RERE: variants seen among roughly 807,000 people sequenced by gnomAD.
RERE encodes arginine-glutamic acid dipeptide repeats protein.
In RERE, 40 loss-of-function variants were observed where a neutral mutation model predicts 146.1. The ratio of observed to expected loss-of-function variants is 0.27; its 90% CI spans 0.21 to 0.36. The LOEUF is 0.36. RERE is among the 10% of genes least tolerant of loss of function. RERE has a pLI of 1.00. For missense variants in RERE, 1,933 were observed against 2,138.7 expected (o/e 0.90, Z 1.90); for synonymous variants, 1,003 against 866.0 (o/e 1.16, Z -2.78).
chr1:8,758,716 G>A (rs1401970956), intron 1 of RERE, among the ~76,000 whole-genome samples: 1 of 152,024 alleles, frequency 6.6e-6, no homozygotes, highest in Non-Finnish European at 1.5e-5. Context: ...GAGGACTGGG[G>A]AAATGTGAGT....
chr1:8,460,667 A>T (rs1303550300), intron 11 of RERE, among the ~76,000 whole-genome samples: 1 of 152,252 alleles, frequency 6.6e-6, no homozygotes, highest in Non-Finnish European at 1.5e-5. Context: ...GTATTTCAAG[A>T]TAAAAGCTAT....
intron 1 of RERE, among the ~76,000 whole-genome samples, chr1:8,689,008 G>A (rs1639150435): frequency 6.6e-6 from 1 of 151,972 alleles, no homozygotes; most frequent in Non-Finnish European, 1.5e-5. Context: ...TTAAATGAGT[G>A]AGCTATCTCG....
Position 8,423,729 on chromosome 1 carries a change from G to A in RERE, c.1204-922C>T. The A allele has an allele frequency of 2.0e-6, 2 of 978,440 alleles. No individual in the cohort carries two copies. The highest frequency in any genetic ancestry group is 1.8e-5 in the African/African-American group (1 of 56,588). 60.6% of individuals were successfully genotyped at this position (978,440 alleles called of 1,614,324 possible). Reference sequence around the variant, plus strand: ...GCGTGTGACCGCGGCGGGGCCGCGCGGCGCGGGGCCCGGGGGGCGCGGGGC... The same window carrying A: ...GCGTGTGACCGCGGCGGGGCCGCGCAGCGCGGGGCCCGGGGGGCGCGGGGC... On this transcript the variant is annotated intron_variant, in intron 11 of 22. Transcript: ENST00000400908. The surrounding 1 kb of genome is among the most constrained non-coding windows in gnomAD (Gnocchi z 5.4).
rs555706629 is a variant in RERE, at chr1:8,742,376, T to C, written c.-145+74784A>G. ...TGCTCAGGGATATATGGAGCAAAGA[T>C]TGTAGAGCTGAATCGGTATATAAAG... On this transcript the variant is annotated intron_variant, in intron 1 of 22. Transcript: ENST00000400908. Among the ~76,000 whole-genome samples, 23 of 152,294 alleles carry C rather than the reference T, an allele frequency of 1.5e-4. No homozygotes were observed. In the Middle Eastern group the frequency reaches 0.01, roughly 68 times the overall value.
intron 1 of RERE, among the ~76,000 whole-genome samples, chr1:8,765,895 T>A (rs1159778042): frequency 1.3e-5 from 2 of 151,672 alleles, no homozygotes; most frequent in Non-Finnish European, 2.9e-5. Flanking sequence ...GAGGTTGCAG[T>A]GAGTCAAGAT....
chr1:8,708,131 G>A (rs138812252), intron 1 of RERE, among the ~76,000 whole-genome samples: 125 of 152,154 alleles, frequency 8.2e-4, no homozygotes, highest in African/African-American at 2.9e-3. Flanking sequence ...TACAGAATAC[G>A]GAGGGATATG....
Position 8,364,237 on chromosome 1 carries a change from T to C in RERE, c.1559A>G (p.His520Arg). The C allele has an allele frequency of 1.2e-6, 2 of 1,614,116 alleles. No homozygotes were observed. The highest frequency in any genetic ancestry group is 1.7e-6 in the Non-Finnish European group (2 of 1,180,006). ...CFTTTSKDWH[H>R]GGRENILLCT... ...AAGCAGGATGTTCTCCCGGCCTCCG[T>C]GGTGCCAATCTTTGGAGGCTGTGTG... The change falls in exon 15 of 23, where the codon CAC (histidine) becomes CGC (arginine). Residue 520 changes from histidine to arginine, a missense_variant. By Grantham distance (29) the His-to-Arg change is conservative. This residue lies in a region of RERE where 260 missense variants were observed against 378.4 expected (regional missense o/e 0.69). Coordinates refer to ENST00000400908, the MANE Select transcript of RERE (RefSeq NM_001042681.2). The surrounding 1 kb of genome is among the most constrained non-coding windows in gnomAD (Gnocchi z 5.1).
chr1:8,672,173 ATTTT>A (rs1638733876), intron 1 of RERE, among the ~76,000 whole-genome samples: 1 of 151,938 alleles, frequency 6.6e-6, no homozygotes, highest in South Asian at 2.1e-4. Flanking sequence ...CCGGAAATAT[ATTTT>A]TTGTTTGTTT....
intron 4 of RERE, among the ~76,000 whole-genome samples, chr1:8,580,522 A>G (rs1173068084): frequency 6.6e-6 from 1 of 152,260 alleles, no homozygotes; most frequent in Non-Finnish European, 1.5e-5. Context: ...ACTAAAATAC[A>G]GAAAATGTTT....
At chr1:8,789,301 A>AAAAAAAAAAAAAAAAAATATAT in intron 1 of RERE, among the ~76,000 whole-genome samples, 2 of 24,814 alleles carry the variant, frequency 8.1e-5, no homozygotes, top group African/African-American at 4.6e-4. Context: ...AAAAAAAAAA[A>AAAAAAAAAAAAAAAAAATATAT]ATATATATAT....
intron 4 of RERE, among the ~76,000 whole-genome samples, chr1:8,565,732 G>A (rs1646145394): frequency 2.0e-5 from 3 of 152,016 alleles, no homozygotes; most frequent in Non-Finnish European, 4.4e-5. Context: ...AAACAAAAAG[G>A]ATCTAAGAAT....
chr1:8,673,748 G>C (rs1638773422), intron 1 of RERE, among the ~76,000 whole-genome samples: 1 of 152,124 alleles, frequency 6.6e-6, no homozygotes, highest in South Asian at 2.1e-4. Flanking sequence ...AAAGCTTAAG[G>C]CTATAATATT....
intron 12 of RERE, among the ~76,000 whole-genome samples, chr1:8,409,801 G>A (rs146052973): frequency 8.1e-4 from 123 of 152,166 alleles, no homozygotes; most frequent in Non-Finnish European, 1.5e-3. Context: ...CCTGGGGAGG[G>A]CCTGGCGACA....
chr1:8,432,677 A>G (rs1644111497), intron 11 of RERE, among the ~76,000 whole-genome samples: 1 of 152,306 alleles, frequency 6.6e-6, no homozygotes, highest in Admixed American at 6.5e-5. Flanking sequence ...TAATCTTCAG[A>G]GTGCCTGGCA....
intron 2 of RERE, among the ~76,000 whole-genome samples, chr1:8,653,001 A>G (rs1449600558): frequency 6.6e-6 from 1 of 152,196 alleles, no homozygotes; most frequent in Non-Finnish European, 1.5e-5. Context: ...GCCCAGATCC[A>G]AGACTGTTTG....
At chr1:8,506,506 C>T (rs1169339535) in intron 8 of RERE, among the ~76,000 whole-genome samples, 1 of 152,310 alleles carries the variant, frequency 6.6e-6, no homozygotes, top group Non-Finnish European at 1.5e-5. Flanking sequence ...TGCTCAAAAT[C>T]TAGACAGAAA....
rs1233073978 is a variant in RERE, at chr1:8,358,429, G to C, written c.4106C>G (p.Pro1369Arg). The stretch of plus-strand genomic sequence containing the variant: ...CTCCCTCTCCAAGGGGTTCAGGCCC[G>C]GGTGGAAAGAAGCAAAAGGGTGGGG... ...AGPHPFASFH[P>R]GLNPLERERL... The change falls in exon 20 of 23, where the codon CCG (proline) becomes CGG (arginine). Residue 1369 changes from proline to arginine, a missense_variant. Physicochemically the swap from Pro to Arg is moderately radical, Grantham distance 103 (BLOSUM62 -2). Coordinates refer to ENST00000400908, the MANE Select transcript of RERE (RefSeq NM_001042681.2). The C allele has an allele frequency of 1.3e-5, 20 of 1,593,208 alleles. No homozygotes were observed. The highest frequency in any genetic ancestry group is 1.7e-5 in the Admixed American group (1 of 58,924).
At chr1:8,746,591 T>C (rs1371836224) in intron 1 of RERE, among the ~76,000 whole-genome samples, 1 of 152,158 alleles carries the variant, frequency 6.6e-6, no homozygotes, top group Non-Finnish European at 1.5e-5. Context: ...TGACTGTGTA[T>C]CATTTTTGCA....
intron 4 of RERE, among the ~76,000 whole-genome samples, chr1:8,590,426 T>C (rs534368834): frequency 6.6e-6 from 1 of 152,188 alleles, no homozygotes; most frequent in Admixed American, 6.5e-5. Flanking sequence ...TTAAAACTGT[T>C]TTCTCCCTCA....
Sources: allele counts gnomAD v4.1 joint callset (sites outside exome capture counted in the v4.1 genomes callset), GRCh38; gene constraint gnomAD v4.1.1; regional missense constraint gnomAD v4.1.1; non-coding constraint Gnocchi (gnomAD v3.1); transcripts MANE v1.5; gene names NCBI Gene and HGNC (gene_info 2026-07-23, HGNC 2026-07-21).